ABTB2: variants seen among roughly 807,000 people sequenced by gnomAD.
ABTB2 encodes the protein ankyrin repeat and BTB domain containing 2.
In ABTB2, 56 loss-of-function variants were observed where a neutral mutation model predicts 104.1. That is an observed-to-expected ratio of 0.54 (90% CI 0.43 to 0.67). ABTB2 has a LOEUF of 0.67. Among genes scored for constraint, ABTB2 ranks in the 30% least tolerant of loss-of-function variants. The pLI, the probability that ABTB2 is intolerant of heterozygous loss-of-function variation, is 0.00. For synonymous variants in ABTB2, 606 were observed against 608.2 expected (o/e 1.00, Z 0.05); for missense variants, 1,279 against 1,407.7 (o/e 0.91, Z 1.46).
chr11:34,268,610 T>A (rs550692563), intron 1 of ABTB2, among the ~76,000 whole-genome samples: 2 of 152,348 alleles, frequency 1.3e-5, no homozygotes, highest in African/African-American at 4.8e-5. Flanking sequence ...GGCCAGCCAC[T>A]GCGTGAGTTT....
chr11:34,291,806 A>AT (rs769141691), intron 1 of ABTB2, among the ~76,000 whole-genome samples: 1 of 151,952 alleles, frequency 6.6e-6, no homozygotes, highest in East Asian at 1.9e-4. Context: ...TGATATGTTT[A>AT]TTTTTTTAAT....
At position 34,154,177 on chromosome 11, in the gene ABTB2, G is replaced by A. The variant is rs1852586943; in HGVS notation, c.2880+88C>T. ...GCAGCCTGGTCACCTGCATCTCCTA[G>A]CTCATCCCCAGTGCAGCCACACGGC... On this transcript the variant is annotated intron_variant, in intron 16 of 16. Transcript: ENST00000435224. This position sits in a 1 kb window ranked among gnomAD's most constrained non-coding sequence, Gnocchi z 4.9. 6.8e-6 allele frequency: 7 copies of A among 1,028,296 alleles called. No homozygotes were observed. The highest frequency in any genetic ancestry group is 1.0e-5 in the Non-Finnish European group (7 of 671,434). The allele number at this position is 1,028,296 out of a possible 1,614,324, so 63.7% of individuals were successfully genotyped here.
intron 1 of ABTB2, among the ~76,000 whole-genome samples, chr11:34,269,326 T>C (rs1156333147): frequency 6.6e-6 from 1 of 152,206 alleles, no homozygotes; most frequent in African/African-American, 2.4e-5. Context: ...GCAGATTTGC[T>C]GTGGTCACAG....
intron 1 of ABTB2, among the ~76,000 whole-genome samples, chr11:34,306,502 C>T (rs914567015): frequency 2.0e-5 from 3 of 152,026 alleles, no homozygotes; most frequent in East Asian, 3.9e-4. Context: ...CTGCCTCAAG[C>T]TCCCAAAGTG....
chr11:34,154,663 C>T lies in ABTB2; in HGVS notation c.2766+38G>A. Reference sequence around the variant, plus strand: ...GAATGGGAGACCGAGCCGCTGGGCACCCTAGCCCAGGCCCCCTCCCCCTCT... The same window carrying T: ...GAATGGGAGACCGAGCCGCTGGGCATCCTAGCCCAGGCCCCCTCCCCCTCT... On this transcript the variant is annotated intron_variant, in intron 15 of 16. Coordinates refer to ENST00000435224, the MANE Select transcript of ABTB2 (RefSeq NM_145804.3). The surrounding 1 kb of genome is among the most constrained non-coding windows in gnomAD (Gnocchi z 4.9). 1.2e-6 allele frequency: 2 copies of T among 1,608,678 alleles called. No homozygotes were observed. The highest frequency in any genetic ancestry group is 1.3e-5 in the African/African-American group (1 of 74,904).
At chr11:34,232,454 A>AAAAAAAAAC (rs1286227391) in intron 1 of ABTB2, among the ~76,000 whole-genome samples, 1 of 151,544 alleles carries the variant, frequency 6.6e-6, no homozygotes, top group African/African-American at 2.4e-5. Flanking sequence ...TGTCTCAAAA[A>AAAAAAAAAC]AAAAAAAAAA....
At chr11:34,271,121 G>C (rs916626320) in intron 1 of ABTB2, among the ~76,000 whole-genome samples, 1 of 152,130 alleles carries the variant, frequency 6.6e-6, no homozygotes, top group African/African-American at 2.4e-5. Flanking sequence ...CAGGAAGCTC[G>C]GCTTTTAGAA....
At chr11:34,160,099 G>C in intron 12 of ABTB2, 91 bp from the exon 13 acceptor site, 1 of 1,292,450 alleles carries the variant, frequency 7.7e-7, no homozygotes, top group Non-Finnish European at 1.1e-6. Flanking sequence ...TCTGGGGTTG[G>C]GGGTGGGACA....
chr11:34,155,659 A>C (rs181529563), intron 14 of ABTB2, among the ~76,000 whole-genome samples: 5 of 151,748 alleles, frequency 3.3e-5, no homozygotes, highest in African/African-American at 1.2e-4. Context: ...GTCTAGGAGA[A>C]GGCCCAACTG....
rs971511004 is a variant in ABTB2, at chr11:34,154,445, A to G, written c.2767-67T>C. On this transcript the variant is annotated intron_variant, in intron 15 of 16. Transcript: ENST00000435224. The surrounding 1 kb of genome is among the most constrained non-coding windows in gnomAD (Gnocchi z 4.9). Reference sequence around the variant, plus strand: ...ACCAGTGGCCCAGACAGCACCGAACAGAAAGCTCCCGAGTGCCGTGTGCCC... The same window carrying G: ...ACCAGTGGCCCAGACAGCACCGAACGGAAAGCTCCCGAGTGCCGTGTGCCC... 60 of 1,207,194 alleles carry G rather than the reference A, an allele frequency of 5.0e-5. No homozygotes were observed. The highest frequency in any genetic ancestry group is 6.9e-5 in the Non-Finnish European group (58 of 837,510). The allele number at this position is 1,207,194 out of a possible 1,614,324, so 74.8% of individuals were successfully genotyped here. A position where few individuals can be genotyped will look rare whatever the true frequency, so the allele number is the denominator to read the frequency against.
intron 4 of ABTB2, among the ~76,000 whole-genome samples, chr11:34,172,698 T>C (rs746649158): frequency 1.1e-4 from 16 of 152,084 alleles, no homozygotes; most frequent in Non-Finnish European, 2.2e-4. Flanking sequence ...TCTTCATCTG[T>C]AAGATGGGCA....
At chr11:34,305,365 C>G (rs1854758788) in intron 1 of ABTB2, among the ~76,000 whole-genome samples, 3 of 152,250 alleles carry the variant, frequency 2.0e-5, no homozygotes, top group African/African-American at 7.2e-5. Context: ...TGGCACACTT[C>G]TCTCCTCAAA....
intron 1 of ABTB2, among the ~76,000 whole-genome samples, chr11:34,214,834 G>C (rs1590219063): frequency 2.6e-5 from 4 of 152,042 alleles, no homozygotes; most frequent in Admixed American, 2.6e-4. Flanking sequence ...ATTATTATGA[G>C]CTCATGGAGG....
At chr11:34,170,084 A>C (rs369971883) in intron 5 of ABTB2, among the ~76,000 whole-genome samples, 1 of 152,344 alleles carries the variant, frequency 6.6e-6, no homozygotes, top group South Asian at 2.1e-4. Context: ...GTACAGTGTC[A>C]AATAAACACA....
chr11:34,316,956 G>A (rs1161677028), intron 1 of ABTB2, among the ~76,000 whole-genome samples: 2 of 152,270 alleles, frequency 1.3e-5, no homozygotes, highest in East Asian at 1.9e-4. Flanking sequence ...AGATCTGGAC[G>A]AAACACTCCA....
At chr11:34,208,826 A>G (rs757409244) in intron 1 of ABTB2, among the ~76,000 whole-genome samples, 8 of 151,412 alleles carry the variant, frequency 5.3e-5, no homozygotes, top group Non-Finnish European at 1.2e-4. Context: ...TGCTTTTACC[A>G]CCAACATATC....
intron 3 of ABTB2, among the ~76,000 whole-genome samples, chr11:34,194,607 G>A (rs1008301373): frequency 5.9e-5 from 9 of 152,122 alleles, no homozygotes; most frequent in African/African-American, 2.2e-4. Context: ...TAAGCTCAGC[G>A]CTCCCAGGAA....
Position 34,204,608 on chromosome 11 carries a change from C to T in ABTB2, c.966G>A (p.Gln322=). ...GHDERADAYA[Q]LELRTLEQSL... ...ACTGCTCCAGGGTTCGGAGCTCCAG[C>T]TGGGCATAGGCATCGGCTCGCTCGT... Residue 322 remains glutamine (Q), a synonymous_variant, in exon 2 of 17, where the codon CAG becomes CAA. Transcript: ENST00000435224. 7 of 1,613,830 alleles carry T rather than the reference C, an allele frequency of 4.3e-6. No homozygotes were observed. The highest frequency in any genetic ancestry group is 5.9e-6 in the Non-Finnish European group (7 of 1,180,016).
intron 3 of ABTB2, among the ~76,000 whole-genome samples, chr11:34,190,272 CAAA>C (rs61052853): frequency 6.9e-5 from 8 of 115,112 alleles, no homozygotes; most frequent in African/African-American, 1.7e-4. Context: ...GCTGCCCCCC[CAAA>C]AAAAAAAAAA....
Sources: gnomAD v4.1 joint callset for allele counts (sites outside exome capture counted in the v4.1 genomes callset) on GRCh38, gnomAD v4.1.1 for gene constraint, Gnocchi (gnomAD v3.1) non-coding constraint, MANE v1.5 for transcripts, NCBI Gene and HGNC (gene_info 2026-07-23, HGNC 2026-07-21) for gene names.